The following KHDRBS2 variants were observed in gnomAD, a reference collection of about 807,000 sequenced individuals.
KHDRBS2 encodes the protein KH RNA binding domain containing, signal transduction associated 2, also known as KH domain-containing, RNA-binding, signal transduction-associated protein 2.
A neutral mutation model predicts 44.3 loss-of-function variants in KHDRBS2; 26 were observed. The observed-to-expected ratio is 0.59, with a 90% CI of 0.43 to 0.81. The LOEUF (loss-of-function observed/expected upper bound fraction) is 0.81. Among genes scored for constraint, KHDRBS2 ranks in the 40% least tolerant of loss-of-function variants. The probability of loss-of-function intolerance (pLI) is 0.00; values close to 1 mark genes in which losing one functional copy is unlikely to be tolerated. For synonymous variants in KHDRBS2, 194 were observed against 151.1 expected (o/e 1.28, Z -2.08); for missense variants, 476 against 433.1 (o/e 1.10, Z -0.88).
intron 4 of KHDRBS2, among the ~76,000 whole-genome samples, chr6:61,973,674 C>T (rs1583888599): frequency 6.6e-6 from 1 of 151,974 alleles, no homozygotes; most frequent in African/African-American, 2.4e-5. Context: ...GTAACAGTTA[C>T]ACACATACAC....
chr6:61,587,362 T>A, the KHDRBS2 span, among the ~76,000 whole-genome samples: 2 of 114,002 alleles, frequency 1.8e-5, no homozygotes, highest in Non-Finnish European at 1.9e-5. Context: ...AGCTTTTTTT[T>A]ATCTCTCTCT....
intron 8 of KHDRBS2, among the ~76,000 whole-genome samples, chr6:61,681,992 T>C (rs755345381): frequency 2.6e-5 from 4 of 151,784 alleles, no homozygotes; most frequent in Non-Finnish European, 4.4e-5. Context: ...CATGGGTGTG[T>C]AAAAGGAGGT....
At chr6:61,799,533 T>C (rs1785926948) in intron 6 of KHDRBS2, among the ~76,000 whole-genome samples, 1 of 152,016 alleles carries the variant, frequency 6.6e-6, no homozygotes, top group African/African-American at 2.4e-5. Flanking sequence ...AAACACATAA[T>C]CACAGATCTT....
intron 1 of KHDRBS2, among the ~76,000 whole-genome samples, chr6:62,252,378 A>G (rs1836693070): frequency 2.0e-5 from 3 of 152,032 alleles, no homozygotes; most frequent in African/African-American, 7.2e-5. Context: ...TTTCCTGACT[A>G]TTTCAGACTC....
At chr6:61,909,676 G>T (rs1301431546) in intron 4 of KHDRBS2, among the ~76,000 whole-genome samples, 1 of 142,924 alleles carries the variant, frequency 7.0e-6, no homozygotes, top group Non-Finnish European at 1.5e-5. Flanking sequence ...ATGTTCCAAA[G>T]GACTTAGCTC....
At chr6:62,049,682 T>C (rs1156891361) in intron 2 of KHDRBS2, among the ~76,000 whole-genome samples, 2 of 152,118 alleles carry the variant, frequency 1.3e-5, no homozygotes, top group African/African-American at 4.8e-5. Flanking sequence ...CTTTGTCAGA[T>C]AGGTAGATTG....
chr6:61,808,767 A>G (rs1403331067), intron 6 of KHDRBS2, among the ~76,000 whole-genome samples: 1 of 152,138 alleles, frequency 6.6e-6, no homozygotes, highest in Non-Finnish European at 1.5e-5. Context: ...GATTACAGGA[A>G]TGTAAAAAAT....
chr6:62,266,298 T>C (rs1365852848), intron 1 of KHDRBS2, among the ~76,000 whole-genome samples: 2 of 152,068 alleles, frequency 1.3e-5, no homozygotes, highest in Admixed American at 6.6e-5. Flanking sequence ...CCAGGGCCTA[T>C]ATATTTCTTG....
At chr6:62,132,078 A>T (rs1562932915) in intron 2 of KHDRBS2, among the ~76,000 whole-genome samples, 1 of 152,102 alleles carries the variant, frequency 6.6e-6, no homozygotes, top group African/African-American at 2.4e-5. Flanking sequence ...TTTAATAGTA[A>T]TTTTTTCACA....
chr6:61,998,601 C>T (rs556284161), intron 3 of KHDRBS2, among the ~76,000 whole-genome samples: 26 of 152,154 alleles, frequency 1.7e-4, no homozygotes, highest in African/African-American at 6.0e-4. Flanking sequence ...TACGTAGATA[C>T]GAGTTCCAGA....
intron 4 of KHDRBS2, among the ~76,000 whole-genome samples, chr6:61,950,296 T>C (rs1454201710): frequency 1.3e-5 from 2 of 152,114 alleles, no homozygotes; most frequent in Admixed American, 1.3e-4. Context: ...TATATTACTT[T>C]GGTGTAAATG....
the KHDRBS2 span, among the ~76,000 whole-genome samples, chr6:61,667,703 G>A: frequency 6.6e-6 from 1 of 151,092 alleles, no homozygotes. Context: ...AGACTATTTG[G>A]CATTCACTGA....
At chr6:62,130,604 T>C (rs1393948410) in intron 2 of KHDRBS2, among the ~76,000 whole-genome samples, 1 of 151,974 alleles carries the variant, frequency 6.6e-6, no homozygotes, top group Non-Finnish European at 1.5e-5. Flanking sequence ...TATGTTAATA[T>C]ATAATGAATA....
chr6:62,117,913 T>C (rs1362590042), intron 2 of KHDRBS2, among the ~76,000 whole-genome samples: 2 of 152,098 alleles, frequency 1.3e-5, no homozygotes, highest in African/African-American at 4.8e-5. Context: ...GTAGCTTGGA[T>C]TACAGGTGCC....
chr6:62,041,614 C>A (rs1020692194), intron 3 of KHDRBS2, among the ~76,000 whole-genome samples: 1 of 152,012 alleles, frequency 6.6e-6, no homozygotes, highest in African/African-American at 2.4e-5. Flanking sequence ...ACAATGAGGA[C>A]AAGTTACTAT....
At chr6:62,013,558 A>G (rs1780684300) in intron 3 of KHDRBS2, among the ~76,000 whole-genome samples, 1 of 152,106 alleles carries the variant, frequency 6.6e-6, no homozygotes, top group South Asian at 2.1e-4. Context: ...ATGTAAAATC[A>G]TAGCAAAATC....
At chr6:61,865,147 C>T (rs1379687440) in intron 6 of KHDRBS2, among the ~76,000 whole-genome samples, 2 of 152,072 alleles carry the variant, frequency 1.3e-5, no homozygotes, top group Non-Finnish European at 2.9e-5. Flanking sequence ...TTTATACTCA[C>T]TGTTTTGGCT....
chr6:61,989,571 G>A (rs544120681), intron 3 of KHDRBS2, among the ~76,000 whole-genome samples: 42 of 152,132 alleles, frequency 2.8e-4, no homozygotes, highest in Non-Finnish European at 5.4e-4. Flanking sequence ...AAAAAAATGT[G>A]AGATTTCTTT....
intron 8 of KHDRBS2, among the ~76,000 whole-genome samples, chr6:61,691,135 T>C (rs1767356365): frequency 6.6e-6 from 1 of 152,130 alleles, no homozygotes. Context: ...TCACGGTTAA[T>C]AATCTCTGAA....
Sources: gnomAD v4.1 joint callset for allele counts (sites outside exome capture counted in the v4.1 genomes callset) on GRCh38, gnomAD v4.1.1 for gene constraint, MANE v1.5 for transcripts, NCBI Gene and HGNC (gene_info 2026-07-23, HGNC 2026-07-21) for gene names.